Variants in ZNF251 observed in about 807,000 individuals in gnomAD.
The protein encoded by ZNF251 is zinc finger protein 251.
Under a neutral mutation model 13.5 loss-of-function variants are expected in ZNF251, and 14 were observed. The observed-to-expected ratio is 1.04, with a 90% CI of 0.69 to 1.63. ZNF251 has a LOEUF of 1.63. Among genes scored for constraint, ZNF251 ranks in the 40% most tolerant of loss-of-function variants. ZNF251 has a pLI of 0.00. For missense variants in ZNF251, 764 were observed against 834.9 expected (o/e 0.92, Z 1.05); for synonymous variants, 287 against 295.2 (o/e 0.97, Z 0.28).
chr8:144,724,116 C>T (rs989297526), intron 4 of ZNF251, among the ~76,000 whole-genome samples: 7 of 152,052 alleles, frequency 4.6e-5, no homozygotes, highest in South Asian at 2.1e-4. Context: ...AGGTGGCAGG[C>T]GCCCGTAGTC....
chr8:144,722,055 T>A lies in ZNF251; in HGVS notation c.1605A>T (p.Gly535=), dbSNP rs1459832760. 1 of 1,612,994 alleles carries A rather than the reference T, an allele frequency of 6.2e-7. No homozygotes were observed. The highest frequency in any genetic ancestry group is 1.3e-5 in the African/African-American group (1 of 74,828). Residue 535 remains glycine (G), a synonymous_variant, in exon 5 of 5, where the codon GGA becomes GGT. Transcript: ENST00000292562. The surrounding 1 kb of genome is among the most constrained non-coding windows in gnomAD (Gnocchi z 4.8). ...CGTGCTTCTCTCCAGTGGGAATCTG[T>A]CCATCTGCTGTGAGGCTGGAGCCAT... ...FVHGSSLTAD[G]QIPTGEKHGR... is the part of the protein sequence containing the mutation.
rs148786431 is a variant in ZNF251 at position 144,734,973 on chromosome 8, C to T, written c.278-11591G>A. ...CCTGTGATCCCAGCTACTTGGGAGG[C>T]TGAGGCAGGAGAATCACTTGAACCA... On this transcript the variant is annotated intron_variant, in intron 4 of 4. Transcript: ENST00000292562. The surrounding 1 kb of genome is among the most constrained non-coding windows in gnomAD (Gnocchi z 4.4). Among the ~76,000 whole-genome samples the T allele has an allele frequency of 0.026, 4,021 of 152,018 alleles. 174 individuals are homozygous for T. Among genetic ancestry groups the T allele is most frequent in the African/African-American group, 0.093 (3,841 of 41,422 alleles).
At chr8:144,726,673 A>G (rs777630402) in intron 4 of ZNF251, among the ~76,000 whole-genome samples, 4 of 152,010 alleles carry the variant, frequency 2.6e-5, no homozygotes, top group Non-Finnish European at 5.9e-5. Flanking sequence ...GATCGAGACC[A>G]TCCTGGCTAA....
chr8:144,732,607 T>C (rs1368870631), intron 4 of ZNF251, among the ~76,000 whole-genome samples: 1 of 150,316 alleles, frequency 6.7e-6, no homozygotes. Flanking sequence ...GGTCAGGAGA[T>C]GGAGACCATC....
At chr8:144,737,837 C>CAAAAAAA (rs56856212) in intron 4 of ZNF251, among the ~76,000 whole-genome samples, 1 of 52,022 alleles carries the variant, frequency 1.9e-5, no homozygotes, top group Non-Finnish European at 3.3e-5. Flanking sequence ...GACTCTGTCT[C>CAAAAAAA]AAAAAAAAAA....
Position 144,723,288 on chromosome 8 carries a change from TAA to T in ZNF251, c.370_371del (p.Leu124LysfsTer3). On this transcript the variant is annotated frameshift_variant, in exon 5 of 5. Coordinates refer to ENST00000292562, the MANE Select transcript of ZNF251 (RefSeq NM_138367.2). LOFTEE classifies it low-confidence loss of function (END_TRUNC). ...ACTCAGCGGCCTGTGCATTATCCCT[TAA>T]GAGTCTTCTTGATACAAATTCTGGG... ...KTPEFVSRRL[L>X]RDNAQAAEFR... The T allele has an allele frequency of 6.3e-7, 1 of 1,587,090 alleles. No individual in the cohort carries two copies. The highest frequency in any genetic ancestry group is 1.1e-5 in the South Asian group (1 of 87,408).
chr8:144,728,958 C>T (rs1317788093), intron 4 of ZNF251, among the ~76,000 whole-genome samples: 14 of 149,760 alleles, frequency 9.3e-5, no homozygotes, highest in South Asian at 4.3e-4. Context: ...CATGGTGGCG[C>T]GCGCCTGTAA....
At chr8:144,735,381 CA>C (rs145271344) in intron 4 of ZNF251, among the ~76,000 whole-genome samples, 44,280 of 94,686 alleles carry the variant, frequency 0.47, 7,182 homozygotes, top group Middle Eastern at 0.57. Context: ...GACTCCGTCT[CA>C]AAAAAAAAAA....
At chr8:144,731,553 G>A (rs185911146) in intron 4 of ZNF251, among the ~76,000 whole-genome samples, 3 of 151,322 alleles carry the variant, frequency 2.0e-5, no homozygotes, top group East Asian at 2.0e-4. Context: ...TAAAGGAAGC[G>A]TCCTGTTAGT....
chr8:144,745,934 G>C (rs934062627), intron 4 of ZNF251, among the ~76,000 whole-genome samples: 6 of 152,052 alleles, frequency 3.9e-5, no homozygotes, highest in African/African-American at 1.2e-4. Flanking sequence ...CTCATGAACA[G>C]ACTATCTCTT....
At position 144,723,385 on chromosome 8, in the gene ZNF251, G is replaced by A; in HGVS notation, c.278-3C>T. ...CTTCTTGGTCCCAACCTCAGAATCTGTTAAAGAAAAATATAAATGAGTTAC... is the reference window on the plus strand; with the variant it reads ...CTTCTTGGTCCCAACCTCAGAATCTATTAAAGAAAAATATAAATGAGTTAC... On this transcript the variant is annotated splice_region_variant and splice_polypyrimidine_tract_variant and intron_variant, in intron 4 of 4. Coordinates refer to ENST00000292562, the MANE Select transcript of ZNF251 (RefSeq NM_138367.2). 6.9e-7 allele frequency: 1 copy of A among 1,453,948 alleles called. No homozygotes were observed. The highest frequency in any genetic ancestry group is 9.0e-7 in the Non-Finnish European group (1 of 1,105,462). The allele number at this position is 1,453,948 out of a possible 1,614,324, so 90.1% of individuals were successfully genotyped here.
intron 4 of ZNF251, among the ~76,000 whole-genome samples, chr8:144,741,777 TGAATC>T (rs1824176741): frequency 6.6e-6 from 1 of 152,158 alleles, no homozygotes; most frequent in Non-Finnish European, 1.5e-5. Context: ...TAAGTCAACT[TGAATC>T]GAGATGAACA....
rs956654850 is a variant in ZNF251, at chr8:144,723,226, T to C, written c.434A>G (p.Glu145Gly). The change falls in exon 5 of 5, where the codon GAG becomes GGG. Residue 145 changes from glutamate to glycine, a missense_variant. By Grantham distance (98) the Glu-to-Gly change is moderately conservative. Transcript: ENST00000292562. ...CTGCCCGGCAGAATTTCCCACGCGC[T>C]CTTTGAGTTTGCCCTCACGGCCCCA... ...EAWGREGKLK[E>G]RVGNSAGQSL... 5.0e-6 allele frequency: 8 copies of C among 1,613,518 alleles called. No homozygotes were observed. Among genetic ancestry groups the C allele is most frequent in the Middle Eastern group, 1.6e-4 (1 of 6,080 alleles).
At position 144,722,842 on chromosome 8, in the gene ZNF251, G is replaced by A. The variant is rs367867958; in HGVS notation, c.818C>T (p.Thr273Ile). ...ACGGAGGTGAGAATTGAGTCCAAAA[G>A]TTTTCCCACATTCATCACATTTAAA... ...KPFKCDECGK[T>I]FGLNSHLRLH... is the part of the protein sequence containing the mutation. The change falls in exon 5 of 5, where the codon ACT (threonine) becomes ATT (isoleucine). Residue 273 changes from threonine to isoleucine, a missense_variant. Thr to Ile is a moderately conservative substitution (Grantham distance 89). Transcript: ENST00000292562. The surrounding 1 kb of genome is among the most constrained non-coding windows in gnomAD (Gnocchi z 4.8). 2.5e-6 allele frequency: 4 copies of A among 1,614,030 alleles called. No homozygotes were observed. In the South Asian group the frequency reaches 4.4e-5, roughly 18 times the overall value.
At position 144,722,949 on chromosome 8, in the gene ZNF251, G is replaced by A. The variant is rs771339277; in HGVS notation, c.711C>T (p.Tyr237=). The part of the protein sequence containing the change: ...HQRSHTGEKP[Y]ECGRCGRAFT... ...AGGCTCGCCCACACCGGCCACATTC[G>A]TACGGCTTCTCCCCAGTGTGACTTC... The change falls in exon 5 of 5, where the codon TAC becomes TAT. Residue 237 remains tyrosine (Y), a synonymous_variant. Coordinates refer to ENST00000292562, the MANE Select transcript of ZNF251 (RefSeq NM_138367.2). The surrounding 1 kb of genome is among the most constrained non-coding windows in gnomAD (Gnocchi z 4.8). 29 of 1,613,682 alleles carry A rather than the reference G, an allele frequency of 1.8e-5. No individual in the cohort carries two copies. The highest frequency in any genetic ancestry group is 1.6e-4 in the South Asian group (15 of 91,082).
chr8:144,733,523 C>T (rs1041886820), intron 4 of ZNF251, among the ~76,000 whole-genome samples: 30 of 152,334 alleles, frequency 2.0e-4, no homozygotes, highest in African/African-American at 5.5e-4. Flanking sequence ...CAGAGGCCAC[C>T]GCTACAACCC....
At position 144,721,315 on chromosome 8, in the gene ZNF251, A is replaced by G. The variant is rs1823366037; in HGVS notation, c.*329T>C. ...CCTGGGCCTGGATAGGAAACAAAGG[A>G]TAAGACTGGAAGGATGTCAGGTAGG... On this transcript the variant is annotated 3_prime_UTR_variant, in exon 5 of 5. Coordinates refer to ENST00000292562, the MANE Select transcript of ZNF251 (RefSeq NM_138367.2). The G allele has an allele frequency of 5.5e-6, 2 of 366,354 alleles. No individual in the cohort carries two copies. The highest frequency in any genetic ancestry group is 9.7e-6 in the Non-Finnish European group (2 of 206,002). The allele number at this position is 366,354 out of a possible 1,614,324, so 22.7% of individuals were successfully genotyped here.
intron 4 of ZNF251, chr8:144,753,439 T>A (rs1440295643): frequency 2.3e-6 from 1 of 435,372 alleles, no homozygotes; most frequent in African/African-American, 2.0e-5. Context: ...TCAAGGTAAA[T>A]CACCAAAACA....
At chr8:144,750,846 G>GTTTTTTTTTTTTTTTTTTTT (rs58473905) in intron 4 of ZNF251, among the ~76,000 whole-genome samples, 1 of 141,312 alleles carries the variant, frequency 7.1e-6, no homozygotes, top group African/African-American at 2.6e-5. Context: ...TCTCTCCAGA[G>GTTTTTTTTTTTTTTTTTTTT]TTTTTTTTTT....
Sources: gnomAD v4.1 joint callset for allele counts (sites outside exome capture counted in the v4.1 genomes callset) on GRCh38, gnomAD v4.1.1 for gene constraint, Gnocchi (gnomAD v3.1) non-coding constraint, MANE v1.5 for transcripts, NCBI Gene and HGNC (gene_info 2026-07-23, HGNC 2026-07-21) for gene names.